CDH1: variants seen among roughly 807,000 people sequenced by gnomAD.
CDH1 encodes cadherin 1, also known as cadherin-1.
Under a neutral mutation model 84.5 loss-of-function variants are expected in CDH1, and 35 were observed. The ratio of observed to expected loss-of-function variants is 0.41; its 90% confidence interval spans 0.32 to 0.55. The LOEUF is 0.55. Ranked by LOEUF, CDH1 falls within the 20% of genes least tolerant of loss-of-function variation. The pLI is 0.19. For synonymous variants in CDH1, 417 were observed against 439.0 expected, an observed-to-expected ratio of 0.95 and a Z score of 0.63; for missense variants, 994 against 1,126.6, an observed-to-expected ratio of 0.88 and a Z score of 1.68.
intron 2 of CDH1, among the ~76,000 whole-genome samples, chr16:68,770,483 C>A (rs1422942380): frequency 6.6e-6 from 1 of 152,062 alleles, no homozygotes; most frequent in Non-Finnish European, 1.5e-5. Context: ...CATCCAGATT[C>A]ATTCAGAGCC....
intron 9 of CDH1, among the ~76,000 whole-genome samples, 154 bp from the exon 10 acceptor site, chr16:68,815,361 T>TGAAAA (rs1382137655): frequency 1.8e-4 from 27 of 152,184 alleles, no homozygotes; most frequent in African/African-American, 5.5e-4. Flanking sequence ...GGTAAGTAAT[T>TGAAAA]GTGGTTTCTG....
At chr16:68,748,892 T>A (rs1248375124) in intron 2 of CDH1, among the ~76,000 whole-genome samples, 1 of 152,204 alleles carries the variant, frequency 6.6e-6, no homozygotes, top group African/African-American at 2.4e-5. Context: ...CAGGCTGGAG[T>A]GCAATGGTGC....
At chr16:68,752,183 C>T (rs1962902617) in intron 2 of CDH1, among the ~76,000 whole-genome samples, 1 of 152,132 alleles carries the variant, frequency 6.6e-6, no homozygotes, top group African/African-American at 2.4e-5. Context: ...AACTCCTGAC[C>T]TCAGGTGATC....
rs932689049 is a variant in CDH1, at chr16:68,821,940, A to G, written c.1712-61A>G. The G allele has an allele frequency of 5.1e-5, 66 of 1,305,544 alleles. No homozygotes were observed. In the Admixed American group the frequency reaches 1.1e-3, roughly 22 times the overall value. The allele number at this position is 1,305,544 out of a possible 1,614,324, so 80.9% of individuals were successfully genotyped here. A position where few individuals can be genotyped will look rare whatever the true frequency, so the allele number is the denominator to read the frequency against. On this transcript the variant is annotated intron_variant, in intron 11 of 15. Coordinates refer to ENST00000261769, the MANE Select transcript of CDH1 (RefSeq NM_004360.5). ...ACAAGATCTAGACTTGGTCTGGTGG[A>G]AGGCAATGGGGATTCATTACTGTTG...
At chr16:68,828,340 C>T (rs2152141656) in intron 14 of CDH1, 36 bp downstream of exon 14, 1 of 1,610,710 alleles carries the variant, frequency 6.2e-7, no homozygotes, top group Non-Finnish European at 8.5e-7. Context: ...CAGTGGTGAT[C>T]TCTTTATTCG....
In CDH1 at chr16:68,811,688, C is replaced by T. The variant is rs1364692858; in HGVS notation, c.837C>T (p.Thr279=). The stretch of plus-strand genomic sequence containing the variant: ...CATCTCCTTGAACTCTTCCAGGAAC[C>T]TCTGTGATGGAGGTCACAGCCACAG... ...GSVMEGALPG[T]SVMEVTATDA... The change falls in exon 7 of 16, where the codon ACC becomes ACT. Residue 279 remains threonine (T), a synonymous_variant. Transcript: ENST00000261769. The T allele has an allele frequency of 6.2e-7, 1 of 1,613,950 alleles. No individual in the cohort carries two copies. The highest frequency in any genetic ancestry group is 8.5e-7 in the Non-Finnish European group (1 of 1,179,948).
At chr16:68,816,852 T>C (rs1160310055) in intron 10 of CDH1, among the ~76,000 whole-genome samples, 2 of 152,204 alleles carry the variant, frequency 1.3e-5, no homozygotes, top group East Asian at 1.9e-4. Context: ...CCTGGCAAGA[T>C]GGGTTTTAAT....
intron 12 of CDH1, 35 bp downstream of exon 12, chr16:68,822,260 C>T (rs1025277853): frequency 2.1e-6 from 3 of 1,425,216 alleles, no homozygotes; most frequent in Non-Finnish European, 3.0e-6. Flanking sequence ...CAACTTTGCT[C>T]CAACTGCCAT....
At chr16:68,752,379 G>A (rs988762041) in intron 2 of CDH1, among the ~76,000 whole-genome samples, 1 of 152,100 alleles carries the variant, frequency 6.6e-6, no homozygotes, top group African/African-American at 2.4e-5. Flanking sequence ...TTCACTGCGG[G>A]TCTCCTCCCA....
At chr16:68,804,338 C>T (rs1960594913) in intron 3 of CDH1, among the ~76,000 whole-genome samples, 1 of 151,904 alleles carries the variant, frequency 6.6e-6, no homozygotes. Flanking sequence ...TGGTCTCGAT[C>T]TCCTGACCTT....
intron 5 of CDH1, among the ~76,000 whole-genome samples, chr16:68,809,904 A>G (rs1960770648): frequency 6.6e-6 from 1 of 152,284 alleles, no homozygotes; most frequent in South Asian, 2.1e-4. Context: ...TTCACCCGGC[A>G]TGGAATAAGA....
At chr16:68,804,996 A>ATTTTTT (rs71148951) in intron 3 of CDH1, among the ~76,000 whole-genome samples, 3 of 89,700 alleles carry the variant, frequency 3.3e-5, no homozygotes, top group Non-Finnish European at 6.2e-5. Context: ...TGCCCAGCTA[A>ATTTTTT]TTTTTTTTTT....
chr16:68,824,868 A>G (rs1376421908), intron 13 of CDH1, among the ~76,000 whole-genome samples: 3 of 152,212 alleles, frequency 2.0e-5, no homozygotes, highest in Non-Finnish European at 4.4e-5. Context: ...AAGTATCCAT[A>G]TGGAGGAGTG....
chr16:68,739,121 A>G (rs1485509640), intron 2 of CDH1, among the ~76,000 whole-genome samples: 3 of 151,130 alleles, frequency 2.0e-5, no homozygotes, highest in Non-Finnish European at 4.4e-5. Context: ...GGATAATTTT[A>G]ACTTTTTTTT....
Position 68,743,554 on chromosome 16 carries a change from C to T in CDH1, c.163+5143C>T, listed in dbSNP as rs570955131. ...CTAATTTTTGTATTTTTAGTAGATT[C>T]GGGGTTTCACCATGATGTCAGGCTG... On this transcript the variant is annotated intron_variant, in intron 2 of 15. Coordinates refer to ENST00000261769, the MANE Select transcript of CDH1 (RefSeq NM_004360.5). Among the ~76,000 whole-genome samples the T allele has an allele frequency of 5.9e-5, 9 of 151,730 alleles. No homozygotes were observed. The East Asian group carries it at 1.7e-3, about 29-fold the overall frequency.
In CDH1 at chr16:68,815,704, G is replaced by A. The variant is rs1555516170; in HGVS notation, c.1510G>A (p.Glu504Lys). The change falls in exon 10 of 16, where the codon GAA (glutamate) becomes AAA (lysine). Residue 504 changes from glutamate (E) to lysine (K), a missense_variant. Around this residue, in one of 3 missense-constraint regions of CDH1, gnomAD observed 769 missense variants for 881.8 expected, o/e 0.87. Coordinates refer to ENST00000261769, the MANE Select transcript of CDH1 (RefSeq NM_004360.5). ...GTCCGAGGACTTTGGCGTGGGCCAG[G>A]AAATCACATCCTACACTGCCCAGGA... ...EVSEDFGVGQ[E>K]ITSYTAQEPD... 3 of 1,614,232 alleles carry A rather than the reference G, an allele frequency of 1.9e-6. No homozygotes were observed. The highest frequency in any genetic ancestry group is 2.5e-6 in the Non-Finnish European group (3 of 1,180,046).
In CDH1 at chr16:68,738,936, CTTTTTTTTTTT is replaced by C. The variant is rs1555509828; in HGVS notation, c.163+543_163+553del. ...TGGCTTTTGTTTACAGATATAAAAG[CTTTTTTTTTTT>C]TTTTTTTTTTTTTTTTTAAAGACAG... On this transcript the variant is annotated intron_variant, in intron 2 of 15. Transcript: ENST00000261769. Among the ~76,000 whole-genome samples, 20 of 11,440 alleles carry C rather than the reference CTTTTTTTTTTT, an allele frequency of 1.7e-3. 3 individuals are homozygous for C. The highest frequency in any genetic ancestry group is 4.7e-3 in the South Asian group (2 of 428). The allele number at this position is 11,440 out of a possible 152,430, so 7.5% of individuals were successfully genotyped here. A position where few individuals can be genotyped will look rare whatever the true frequency, so the allele number is the denominator to read the frequency against.
chr16:68,764,124 G>T (rs1175662868), intron 2 of CDH1, among the ~76,000 whole-genome samples: 1 of 152,206 alleles, frequency 6.6e-6, no homozygotes, highest in East Asian at 1.9e-4. Flanking sequence ...GGTTGGGTTT[G>T]GTGGGGGATG....
chr16:68,775,748 C>T (rs947928820), intron 2 of CDH1, among the ~76,000 whole-genome samples: 1 of 152,186 alleles, frequency 6.6e-6, no homozygotes, highest in South Asian at 2.1e-4. Flanking sequence ...CAGCATGTTG[C>T]TCTCCAAAGA....
Sources: allele counts gnomAD v4.1 joint callset (sites outside exome capture counted in the v4.1 genomes callset), GRCh38; gene constraint gnomAD v4.1.1; regional missense constraint gnomAD v4.1.1; transcripts MANE v1.5; gene names NCBI Gene and HGNC (gene_info 2026-07-23, HGNC 2026-07-21).